Variants in FAM163A observed in about 807,000 individuals in gnomAD.
FAM163A encodes family with sequence similarity 163 member A, also known as protein FAM163A.
FAM163A carries 7 observed loss-of-function variants against 12.0 expected under a neutral mutation model. The ratio of observed to expected loss-of-function variants is 0.58; its 90% CI spans 0.33 to 1.10. The LOEUF is 1.10. Ranked by LOEUF, FAM163A falls within the 50% of genes least tolerant of loss-of-function variation. FAM163A has a pLI of 0.03. For synonymous variants in FAM163A, 101 were observed against 91.0 expected, an observed-to-expected ratio of 1.11 and a Z score of -0.62; for missense variants, 202 against 218.6, an observed-to-expected ratio of 0.92 and a Z score of 0.48.
rs1695068088 is a variant in FAM163A, at chr1:179,814,052, T to C, written c.367T>C (p.Ser123Pro). 2.5e-6 allele frequency: 4 copies of C among 1,613,884 alleles called. No individual in the cohort carries two copies. Among genetic ancestry groups the C allele is most frequent in the Admixed American group, 3.3e-5 (2 of 59,982 alleles). The change falls in exon 5 of 5, where the codon TCC becomes CCC. Residue 123 changes from serine (S) to proline (P), a missense_variant. Physicochemically the swap from Ser to Pro is moderately conservative, Grantham distance 74. Transcript: ENST00000341785. ...CAATGGGGGTGGAGGCGAGAGGCTC[T>C]CCTTTGCTCCCACATACTACAAAGA... ...VPNGGGGERL[S>P]FAPTYYKEGG... is the part of the protein sequence containing the mutation.
chr1:179,753,507 T>A lies in FAM163A; in HGVS notation c.-136+10084T>A, dbSNP rs546639698. Among the ~76,000 whole-genome samples the A allele has an allele frequency of 1.1e-4, 17 of 152,268 alleles. No homozygotes were observed. In the South Asian group the frequency reaches 3.5e-3, roughly 32 times the overall value. ...AGTTTAATGGAAATGTTATTATAGA[T>A]GAAAGGAAGGTTAATTCATAGTGTA... On this transcript the variant is annotated intron_variant, in intron 1 of 4. Coordinates refer to ENST00000341785, the MANE Select transcript of FAM163A (RefSeq NM_173509.3).
chr1:179,740,686 T>C (rs1448937384), upstream of FAM163A, among the ~76,000 whole-genome samples: 1 of 152,222 alleles, frequency 6.6e-6, no homozygotes, highest in African/African-American at 2.4e-5. Context: ...ATGTACCATT[T>C]TACATTTTGG....
At chr1:179,771,642 G>C (rs974202365) in intron 1 of FAM163A, among the ~76,000 whole-genome samples, 1 of 152,026 alleles carries the variant, frequency 6.6e-6, no homozygotes, top group African/African-American at 2.4e-5. Flanking sequence ...TGCCCCATGA[G>C]CCTCATAGCT....
intron 2 of FAM163A, among the ~76,000 whole-genome samples, chr1:179,809,881 G>A (rs549187535): frequency 6.6e-5 from 10 of 152,228 alleles, no homozygotes; most frequent in African/African-American, 2.2e-4. Flanking sequence ...ATCTGACCCC[G>A]CCTCCAGATG....
At chr1:179,787,963 G>T (rs2148225887) in intron 1 of FAM163A, among the ~76,000 whole-genome samples, 1 of 152,360 alleles carries the variant, frequency 6.6e-6, no homozygotes, top group Middle Eastern at 3.4e-3. Context: ...AACCAGGCTT[G>T]GAAACTGCTG....
intron 1 of FAM163A, among the ~76,000 whole-genome samples, chr1:179,750,821 A>G (rs532849603): frequency 6.6e-6 from 1 of 152,334 alleles, no homozygotes; most frequent in Admixed American, 6.5e-5. Flanking sequence ...CAGACTCCTG[A>G]TGTAGTCCAG....
intron 1 of FAM163A, among the ~76,000 whole-genome samples, chr1:179,754,652 G>T (rs774125564): frequency 2.6e-5 from 4 of 152,182 alleles, no homozygotes; most frequent in Non-Finnish European, 5.9e-5. Flanking sequence ...TTCAAGAGAT[G>T]GCAAGGGGAA....
At chr1:179,751,860 A>G (rs1459609566) in intron 1 of FAM163A, among the ~76,000 whole-genome samples, 2 of 152,226 alleles carry the variant, frequency 1.3e-5, no homozygotes, top group Admixed American at 6.5e-5. Context: ...GGAAGATTTA[A>G]TATTTTTATA....
Sources: gnomAD v4.1 joint callset for allele counts (sites outside exome capture counted in the v4.1 genomes callset) on GRCh38, gnomAD v4.1.1 for gene constraint, MANE v1.5 for transcripts, NCBI Gene and HGNC (gene_info 2026-07-23, HGNC 2026-07-21) for gene names.